Variants in CC2D2A observed in about 807,000 individuals in gnomAD.
The protein encoded by CC2D2A is coiled-coil and C2 domain-containing protein 2A.
Under a neutral mutation model 212.9 loss-of-function variants are expected in CC2D2A, and 155 were observed. The ratio of observed to expected loss-of-function variants is 0.73; its 90% CI spans 0.64 to 0.83. CC2D2A has a LOEUF of 0.83. Ranked by LOEUF, CC2D2A falls within the 40% of genes least tolerant of loss-of-function variation. The pLI is 0.00. For synonymous variants in CC2D2A, 667 were observed against 686.5 expected, an observed-to-expected ratio of 0.97 and a Z score of 0.44; for missense variants, 1,856 against 1,956.2, an observed-to-expected ratio of 0.95 and a Z score of 0.97.
intron 4 of CC2D2A, among the ~76,000 whole-genome samples, chr4:15,487,764 T>C (rs1390073149): frequency 1.3e-5 from 2 of 149,756 alleles, no homozygotes; most frequent in African/African-American, 4.9e-5. Flanking sequence ...AGTGTATAAG[T>C]GATTTTCTCC....
At chr4:15,545,872 G>A (rs1408601501) in intron 17 of CC2D2A, among the ~76,000 whole-genome samples, 5 of 152,160 alleles carry the variant, frequency 3.3e-5, no homozygotes, top group Admixed American at 1.3e-4. Context: ...ACTTTGGGAG[G>A]CTGAGACGGA....
intron 14 of CC2D2A, 135 bp downstream of exon 14, chr4:15,533,468 T>C (rs536245140): frequency 4.0e-5 from 25 of 624,772 alleles, no homozygotes; most frequent in African/African-American, 3.1e-4. Flanking sequence ...AAATAGAACA[T>C]TGCATACCTG....
At position 15,471,739 on chromosome 4, in the gene CC2D2A, A is replaced by G. The variant is rs531720669; in HGVS notation, c.-19+1682A>G. On this transcript the variant is annotated intron_variant, in intron 1 of 36. Transcript: ENST00000424120. The stretch of plus-strand genomic sequence containing the variant: ...GGTCCACATATTCCTTGGCAAAGAA[A>G]TATGTGGACCACTCTTCCTATAAAC... Among the ~76,000 whole-genome samples, 9 of 152,198 alleles carry G rather than the reference A, an allele frequency of 5.9e-5. No homozygotes were observed. The South Asian group carries it at 1.9e-3, about 32-fold the overall frequency.
chr4:15,587,969 T>A (rs940690218), intron 32 of CC2D2A, 40 bp downstream of exon 32: 8 of 1,125,010 alleles, frequency 7.1e-6, no homozygotes, highest in Non-Finnish European at 1.1e-5. Flanking sequence ...GGAGTATAGT[T>A]GTCTAATCGA....
chr4:15,490,231 A>G (rs1446755856), intron 4 of CC2D2A, among the ~76,000 whole-genome samples: 1 of 152,252 alleles, frequency 6.6e-6, no homozygotes, highest in Non-Finnish European at 1.5e-5. Context: ...AACATGCAAT[A>G]TCAAACTACA....
In CC2D2A at chr4:15,560,598, TAGA is replaced by T. The variant is rs764874938; in HGVS notation, c.2999_3001del (p.Glu1000del). The T allele has an allele frequency of 4.4e-5, 65 of 1,474,500 alleles. No homozygotes were observed. The highest frequency in any genetic ancestry group is 3.5e-4 in the Middle Eastern group (2 of 5,636). The allele number at this position is 1,474,500 out of a possible 1,614,324, so 91.3% of individuals were successfully genotyped here. On this transcript the variant is annotated inframe_deletion, in exon 23 of 37. Transcript: ENST00000424120. ...TATTTTCTTCTTGCTGATATGATAG[TAGA>T]AGAAGAAGTTCCCAATATCAGGTAA...
Position 15,488,845 on chromosome 4 carries a change from C to T in CC2D2A, c.247+8018C>T, listed in dbSNP as rs566048496. 1.4e-4 allele frequency among the ~76,000 whole-genome samples: 21 copies of T among 152,362 alleles called. 1 individual carries two copies. In the South Asian group the frequency reaches 1.4e-3, roughly 11 times the overall value. ...CGGAGGTGCCACCTCCCTAATGAAC[C>T]GCACCAGAAACCCATGCAGTGAAAG... On this transcript the variant is annotated intron_variant, in intron 4 of 36. Transcript: ENST00000424120.
chr4:15,579,844 A>G, intron 29 of CC2D2A, 124 bp from the exon 30 acceptor site: 1 of 727,504 alleles, frequency 1.4e-6, no homozygotes, highest in Non-Finnish European at 2.4e-6. Flanking sequence ...AGGACATGAC[A>G]GCTTTGTAAG....
intron 4 of CC2D2A, among the ~76,000 whole-genome samples, chr4:15,494,191 A>G (rs942226813): frequency 1.3e-5 from 2 of 152,190 alleles, no homozygotes; most frequent in Non-Finnish European, 2.9e-5. Flanking sequence ...CCACAACAGC[A>G]TGAGAGCACC....
At chr4:15,501,216 A>ACTG (rs1328620046) in intron 4 of CC2D2A, among the ~76,000 whole-genome samples, 131 of 152,216 alleles carry the variant, frequency 8.6e-4, no homozygotes, top group African/African-American at 2.7e-3. Flanking sequence ...AGAAGACACG[A>ACTG]CTGCTGCTGC....
At position 15,586,201 on chromosome 4, in the gene CC2D2A, C is replaced by T. The variant is rs1720849189; in HGVS notation, c.4020C>T (p.Asp1340=). 1 of 1,609,582 alleles carries T rather than the reference C, an allele frequency of 6.2e-7. No individual in the cohort carries two copies. The highest frequency in any genetic ancestry group is 1.3e-5 in the African/African-American group (1 of 74,830). The change falls in exon 31 of 37, where the codon GAC becomes GAT. Residue 1340 remains aspartate, a synonymous_variant. Coordinates refer to ENST00000424120, the MANE Select transcript of CC2D2A (RefSeq NM_001378615.1). ...TGTCCTTGATTCCCTTCTTGCCTGA[C>T]ACTGTCTCATTTGGTGGTATCTGTG... ...RYVSLIPFLP[D]TVSFGGICDL... is the part of the protein sequence containing the mutation.
In CC2D2A at chr4:15,569,340, ATGT is replaced by A. The variant is rs1453331743; in HGVS notation, c.3450_3452del (p.Val1151del). 2 of 1,583,734 alleles carry A rather than the reference ATGT, an allele frequency of 1.3e-6. No homozygotes were observed. Among genetic ancestry groups the A allele is most frequent in the Non-Finnish European group, 1.7e-6 (2 of 1,163,294 alleles). On this transcript the variant is annotated inframe_deletion, in exon 27 of 37. Coordinates refer to ENST00000424120, the MANE Select transcript of CC2D2A (RefSeq NM_001378615.1). ...ACAGCCAGTCTGCAGTCAGTGAAAG[ATGT>A]TGTGTTCATTAACATTTTTGATGAA...
At position 15,569,405 on chromosome 4, in the gene CC2D2A, TAAGA is replaced by T. The variant is rs1215319909; in HGVS notation, c.3495+21_3495+24del. 2 of 1,415,868 alleles carry T rather than the reference TAAGA, an allele frequency of 1.4e-6. No individual in the cohort carries two copies. Among genetic ancestry groups the T allele is most frequent in the South Asian group, 2.5e-5 (2 of 81,542 alleles). 87.7% of individuals were successfully genotyped at this position (1,415,868 alleles called of 1,614,324 possible). A position where few individuals can be genotyped will look rare whatever the true frequency, so the allele number is the denominator to read the frequency against. ...TGTCTTAGAGGTAAGTTCTCAGTTT[TAAGA>T]AAGACACTTGTATTCACTTTCATAT... On this transcript the variant is annotated intron_variant, in intron 27 of 36. Coordinates refer to ENST00000424120, the MANE Select transcript of CC2D2A (RefSeq NM_001378615.1).
chr4:15,550,814 T>A lies in CC2D2A; in HGVS notation c.2182-10T>A. 6.5e-7 allele frequency: 1 copy of A among 1,549,312 alleles called. No homozygotes were observed. Among genetic ancestry groups the A allele is most frequent in the Non-Finnish European group, 8.8e-7 (1 of 1,134,776 alleles). ...GTTTTTATTGGCTATTTCTCTTCTC[T>A]GGTTTTCAGGTCTATGAAACTGTCG... On this transcript the variant is annotated splice_polypyrimidine_tract_variant and intron_variant, in intron 17 of 36. Transcript: ENST00000424120.
intron 28 of CC2D2A, 45 bp downstream of exon 28, chr4:15,570,541 T>G: frequency 1.2e-4 from 163 of 1,341,748 alleles, no homozygotes; most frequent in Non-Finnish European, 1.6e-4. Flanking sequence ...GGAATTTCTC[T>G]ATCCATTTTT....
At chr4:15,554,148 G>T (rs922285105) in intron 19 of CC2D2A, among the ~76,000 whole-genome samples, 1 of 152,202 alleles carries the variant, frequency 6.6e-6, no homozygotes, top group Admixed American at 6.5e-5. Context: ...TCCAGTGGAG[G>T]CCTGACTATG....
intron 17 of CC2D2A, chr4:15,543,603 C>G (rs1305325446): frequency 6.6e-6 from 1 of 152,218 alleles, no homozygotes; most frequent in Non-Finnish European, 1.5e-5. Context: ...TTGCCCAACT[C>G]TGCACTGGAG....
At chr4:15,530,340 G>T (rs1431770327) in intron 13 of CC2D2A, among the ~76,000 whole-genome samples, 1 of 152,136 alleles carries the variant, frequency 6.6e-6, no homozygotes, top group African/African-American at 2.4e-5. Flanking sequence ...CAGCAAAGTA[G>T]AAATTAGTGA....
rs752127883 is a variant in CC2D2A at position 15,527,512 on chromosome 4, A to G, written c.1215A>G (p.Gln405=). ...IRSGDPPGNF[Q]LDIDISGLIF... is the part of the protein sequence containing the mutation. Reference sequence around the variant, plus strand: ...CTGGAGACCCTCCTGGAAATTTCCAACTGGACATTGATATTTCAGGGTTAA... The same window carrying G: ...CTGGAGACCCTCCTGGAAATTTCCAGCTGGACATTGATATTTCAGGGTTAA... Residue 405 remains glutamine (Q), a synonymous_variant, in exon 12 of 37, where the codon CAA becomes CAG. Transcript: ENST00000424120. 1 of 1,613,660 alleles carries G rather than the reference A, an allele frequency of 6.2e-7. No homozygotes were observed. Among genetic ancestry groups the G allele is most frequent in the Non-Finnish European group, 8.5e-7 (1 of 1,179,718 alleles).
Sources: allele counts gnomAD v4.1 joint callset (sites outside exome capture counted in the v4.1 genomes callset), GRCh38; gene constraint gnomAD v4.1.1; transcripts MANE v1.5; gene names NCBI Gene and HGNC (gene_info 2026-07-23, HGNC 2026-07-21).